The following AMBRA1 variants were observed in gnomAD, a reference collection of about 807,000 sequenced individuals.
AMBRA1 encodes the protein activating molecule in BECN1-regulated autophagy protein 1.
AMBRA1 carries 47 observed loss-of-function variants against 125.4 expected under a neutral mutation model. The observed-to-expected ratio is 0.37, with a 90% CI of 0.30 to 0.48. The LOEUF is 0.48. Among genes scored for constraint, AMBRA1 ranks in the 20% least tolerant of loss-of-function variants. AMBRA1 has a pLI of 0.99. For missense variants in AMBRA1, 1,331 were observed against 1,693.4 expected (o/e 0.79, Z 3.76); for synonymous variants, 626 against 655.5 (o/e 0.95, Z 0.69).
At chr11:46,503,758 A>G (rs1433034000) in intron 9 of AMBRA1, among the ~76,000 whole-genome samples, 1 of 152,244 alleles carries the variant, frequency 6.6e-6, no homozygotes, top group African/African-American at 2.4e-5. Context: ...ATTCATCTTA[A>G]GGCTAAAAGA....
chr11:46,508,225 C>T lies in AMBRA1; in HGVS notation c.2305G>A (p.Val769Ile). 1.9e-6 allele frequency: 3 copies of T among 1,614,180 alleles called. No individual in the cohort carries two copies. Among genetic ancestry groups the T allele is most frequent in the Non-Finnish European group, 2.5e-6 (3 of 1,180,014 alleles). The change falls in exon 9 of 18, where the codon GTA becomes ATA. Residue 769 changes from valine (V) to isoleucine (I), a missense_variant. Physicochemically the swap from Val to Ile is conservative, Grantham distance 29. Transcript: ENST00000683756. The stretch of plus-strand genomic sequence containing the variant: ...TCAAATTCCAAGTCGGTTCCCTCTA[C>T]TGATGGACCCTGGTTGTCTGAGGAA... Reference protein sequence around the residue: ...SSSSDNQGPSVEGTDLEFEDF... With the variant: ...SSSSDNQGPSIEGTDLEFEDF...
chr11:46,464,999 G>GC (rs1271578905), intron 11 of AMBRA1, among the ~76,000 whole-genome samples: 4 of 151,982 alleles, frequency 2.6e-5, no homozygotes, highest in African/African-American at 9.7e-5. Flanking sequence ...AGCTGCGATC[G>GC]CGCCACCGCA....
At chr11:46,439,061 A>G (rs1232115256) in intron 12 of AMBRA1, among the ~76,000 whole-genome samples, 2 of 152,184 alleles carry the variant, frequency 1.3e-5, no homozygotes, top group African/African-American at 4.8e-5. Flanking sequence ...ACTTGAGGTC[A>G]GGAGCTCGAG....
At chr11:46,464,284 A>G (rs1949228024) in intron 11 of AMBRA1, among the ~76,000 whole-genome samples, 1 of 152,244 alleles carries the variant, frequency 6.6e-6, no homozygotes, top group African/African-American at 2.4e-5. Flanking sequence ...ATGCAGGCTT[A>G]TCCCTCTTGG....
intron 11 of AMBRA1, among the ~76,000 whole-genome samples, chr11:46,469,568 T>G (rs1040512195): frequency 3.9e-5 from 6 of 152,186 alleles, no homozygotes; most frequent in African/African-American, 1.4e-4. Context: ...TATGAAAATA[T>G]GTACAATGAA....
chr11:46,543,013 C>A lies in AMBRA1; in HGVS notation c.1004G>T (p.Arg335Ile). The change falls in exon 7 of 18, where the codon AGA becomes ATA. Residue 335 changes from arginine to isoleucine, a missense_variant. Around this residue, in one of 4 missense-constraint regions of AMBRA1, gnomAD observed 689 missense variants for 776.5 expected, o/e 0.89. Coordinates refer to ENST00000683756, the MANE Select transcript of AMBRA1 (RefSeq NM_001387011.1). ...HQDSVPPASA[R>I]ATTPSFSFVQ... ...AAAAGAAAAGGAAGGGGTAGTAGCT[C>A]TGGCAGAAGCAGGGGGGACACTGTC... 1 of 1,599,970 alleles carries A rather than the reference C, an allele frequency of 6.3e-7. No homozygotes were observed. Among genetic ancestry groups the A allele is most frequent in the South Asian group, 1.1e-5 (1 of 91,078 alleles).
At chr11:46,505,302 C>T (rs766366264) in intron 9 of AMBRA1, among the ~76,000 whole-genome samples, 2 of 152,176 alleles carry the variant, frequency 1.3e-5, no homozygotes, top group African/African-American at 4.8e-5. Context: ...TCACAGAGCA[C>T]GTGGACACTC....
At chr11:46,437,573 T>C (rs561715275) in intron 12 of AMBRA1, among the ~76,000 whole-genome samples, 103 of 152,330 alleles carry the variant, frequency 6.8e-4, no homozygotes, top group African/African-American at 2.4e-3. Context: ...CATTCTCACA[T>C]TTGCTGTTTG....
intron 11 of AMBRA1, among the ~76,000 whole-genome samples, chr11:46,477,169 G>A (rs1189663385): frequency 6.6e-6 from 1 of 151,978 alleles, no homozygotes; most frequent in Admixed American, 6.6e-5. Context: ...AGGTGGAAGG[G>A]TGGGAGGGGA....
chr11:46,517,399 T>C (rs1951540007), intron 7 of AMBRA1, among the ~76,000 whole-genome samples: 1 of 147,196 alleles, frequency 6.8e-6, no homozygotes, highest in Non-Finnish European at 1.5e-5. Flanking sequence ...TCCACCCGCC[T>C]CGGCCTCCCA....
chr11:46,532,386 C>T (rs982314366), intron 7 of AMBRA1, among the ~76,000 whole-genome samples: 103 of 152,256 alleles, frequency 6.8e-4, no homozygotes, highest in African/African-American at 2.5e-3. Context: ...CCTGAAAACC[C>T]GTAGTAGGAG....
intron 7 of AMBRA1, among the ~76,000 whole-genome samples, chr11:46,526,494 G>C (rs1447975203): frequency 1.4e-5 from 2 of 146,590 alleles, no homozygotes; most frequent in African/African-American, 5.0e-5. Flanking sequence ...TATGTAAGAA[G>C]TCTGCTATCC....
At chr11:46,482,333 G>A (rs774072323) in intron 11 of AMBRA1, among the ~76,000 whole-genome samples, 10 of 152,182 alleles carry the variant, frequency 6.6e-5, no homozygotes, top group African/African-American at 9.7e-5. Flanking sequence ...TCACTCTAAT[G>A]AGCAGGAGTG....
chr11:46,438,754 T>C (rs1947853047), intron 12 of AMBRA1, among the ~76,000 whole-genome samples: 1 of 152,132 alleles, frequency 6.6e-6, no homozygotes, highest in African/African-American at 2.4e-5. Flanking sequence ...ACCAATTCCA[T>C]TCACCCAGTA....
At chr11:46,501,297 G>C (rs1049676789) in intron 9 of AMBRA1, among the ~76,000 whole-genome samples, 2 of 152,164 alleles carry the variant, frequency 1.3e-5, no homozygotes, top group Non-Finnish European at 2.9e-5. Flanking sequence ...ACATCCCAAA[G>C]ATGTGCACAT....
intron 14 of AMBRA1, chr11:46,429,176 C>T (rs1007902752): frequency 2.0e-6 from 3 of 1,524,022 alleles, no homozygotes; most frequent in Admixed American, 3.8e-5. Context: ...CACGCACTGG[C>T]TTCATCCTCC....
intron 7 of AMBRA1, among the ~76,000 whole-genome samples, chr11:46,537,942 A>C (rs1189913090): frequency 6.6e-6 from 1 of 152,244 alleles, no homozygotes; most frequent in African/African-American, 2.4e-5. Context: ...TAAAAGAACC[A>C]ACCTCGTACA....
intron 1 of AMBRA1, among the ~76,000 whole-genome samples, chr11:46,557,904 G>A (rs1431400142): frequency 1.3e-5 from 2 of 151,860 alleles, no homozygotes; most frequent in Admixed American, 6.6e-5. Flanking sequence ...CCCAGGAGGT[G>A]GGGGTTGCAG....
At chr11:46,501,120 A>G (rs1274747502) in intron 9 of AMBRA1, among the ~76,000 whole-genome samples, 2 of 152,232 alleles carry the variant, frequency 1.3e-5, no homozygotes, top group African/African-American at 4.8e-5. Context: ...TCATGTTTCT[A>G]TGACCATGCA....
Sources: allele counts gnomAD v4.1 joint callset (sites outside exome capture counted in the v4.1 genomes callset), GRCh38; gene constraint gnomAD v4.1.1; regional missense constraint gnomAD v4.1.1; transcripts MANE v1.5; gene names NCBI Gene and HGNC (gene_info 2026-07-23, HGNC 2026-07-21).